MAPK10: variants seen among roughly 807,000 people sequenced by gnomAD.
MAPK10 encodes the protein mitogen-activated protein kinase 10.
MAPK10 carries 25 observed loss-of-function variants against 59.3 expected under a neutral mutation model. The observed-to-expected ratio is 0.42, with a 90% CI of 0.31 to 0.59. The LOEUF is 0.59. MAPK10 is among the 20% of genes least tolerant of loss of function. The pLI, the probability that MAPK10 is intolerant of heterozygous loss-of-function variation, is 0.15. For missense variants in MAPK10, 351 were observed against 568.9 expected (o/e 0.62, Z 3.90); for synonymous variants, 190 against 200.5 (o/e 0.95, Z 0.44).
At chr4:86,493,392 A>T (rs1754629019) in intron 1 of MAPK10, among the ~76,000 whole-genome samples, 2 of 152,236 alleles carry the variant, frequency 1.3e-5, no homozygotes, top group Admixed American at 6.5e-5. Flanking sequence ...GCACACAGAA[A>T]AGCAAATTTT....
intron 13 of MAPK10, chr4:86,025,381 C>A: frequency 2.5e-6 from 1 of 395,342 alleles, no homozygotes; most frequent in Middle Eastern, 6.4e-4. Context: ...AGTCTATTTT[C>A]ATGTAGGCAA....
chr4:86,226,268 A>G (rs577992553), intron 2 of MAPK10, among the ~76,000 whole-genome samples: 36 of 152,324 alleles, frequency 2.4e-4, no homozygotes, highest in Non-Finnish European at 3.8e-4. Flanking sequence ...CTGAACTGTC[A>G]CTTGGGTATC....
intron 13 of MAPK10, among the ~76,000 whole-genome samples, chr4:86,021,336 CAG>C (rs1303466068): frequency 6.6e-6 from 1 of 150,444 alleles, no homozygotes; most frequent in African/African-American, 2.5e-5. Flanking sequence ...GAGCTAGACA[CAG>C]AGTGCTGATT....
At position 86,290,898 on chromosome 4, in the gene MAPK10, G is replaced by A. The variant is rs72865401; in HGVS notation, c.-7+63632C>T. ...CTTGCATATGTCTTTAAAATGTTGA[G>A]ACTAGCTTGCTAAAAAGCTACCAGA... On this transcript the variant is annotated intron_variant, in intron 2 of 13. Coordinates refer to ENST00000641462, the MANE Select transcript of MAPK10 (RefSeq NM_138982.4). Among the ~76,000 whole-genome samples the A allele has an allele frequency of 1.6e-3, 249 of 152,294 alleles. 1 individual carries two copies. Among genetic ancestry groups the A allele is most frequent in the Middle Eastern group, 0.01 (3 of 294 alleles).
At chr4:86,218,568 CA>C (rs11330422) in intron 2 of MAPK10, among the ~76,000 whole-genome samples, 20,270 of 94,862 alleles carry the variant, frequency 0.21, 1,264 homozygotes, top group Middle Eastern at 0.31. Flanking sequence ...AAGACTTAAG[CA>C]AAAAAAAAAA....
In MAPK10 at chr4:86,012,688, G is replaced by A. The variant is rs1741728490; in HGVS notation, c.*4540C>T. 1 of 152,148 alleles carries A rather than the reference G, an allele frequency of 6.6e-6. No individual in the cohort carries two copies. The highest frequency in any genetic ancestry group is 1.5e-5 in the Non-Finnish European group (1 of 68,018). 9.4% of individuals were successfully genotyped at this position (152,148 alleles called of 1,614,324 possible). The stretch of plus-strand genomic sequence containing the variant: ...GTGAGAAAGAACACAGAAATGACTT[G>A]AACGATTTCAAATCCTTATTAAGCA... On this transcript the variant is annotated 3_prime_UTR_variant, in exon 14 of 14. Transcript: ENST00000641462.
intron 2 of MAPK10, among the ~76,000 whole-genome samples, chr4:86,297,022 C>G (rs1221765194): frequency 3.3e-5 from 5 of 152,156 alleles, no homozygotes; most frequent in Admixed American, 3.3e-4. Flanking sequence ...GGCCTGCCCT[C>G]AGAGGTTCTG....
intron 1 of MAPK10, among the ~76,000 whole-genome samples, chr4:86,407,184 C>T (rs985367261): frequency 6.6e-6 from 1 of 152,104 alleles, no homozygotes; most frequent in South Asian, 2.1e-4. Flanking sequence ...TTCTTATTTG[C>T]CAGGCTTTGT....
At chr4:86,448,536 C>G (rs1409869159) in intron 1 of MAPK10, among the ~76,000 whole-genome samples, 1 of 151,914 alleles carries the variant, frequency 6.6e-6, no homozygotes, top group African/African-American at 2.4e-5. Flanking sequence ...AATATTTTAA[C>G]TTTTTAAATG....
At chr4:86,434,351 G>A (rs189612384) in intron 1 of MAPK10, among the ~76,000 whole-genome samples, 16 of 152,258 alleles carry the variant, frequency 1.1e-4, no homozygotes, top group Middle Eastern at 3.4e-3. Context: ...ATCAAGTGAA[G>A]AGACAACCCA....
chr4:86,322,224 C>A (rs1026969402), intron 2 of MAPK10, among the ~76,000 whole-genome samples: 8 of 152,134 alleles, frequency 5.3e-5, no homozygotes, highest in African/African-American at 1.9e-4. Flanking sequence ...GTTTACAAAT[C>A]AGAAAAACAG....
chr4:86,193,425 T>A (rs992250668), intron 3 of MAPK10: 3 of 152,384 alleles, frequency 2.0e-5, no homozygotes, highest in African/African-American at 7.2e-5. Context: ...CTAAGGCTGC[T>A]GCCTTTCTTT....
At chr4:86,143,598 AT>A (rs2149186270) in intron 4 of MAPK10, among the ~76,000 whole-genome samples, 1 of 152,312 alleles carries the variant, frequency 6.6e-6, no homozygotes, top group Admixed American at 6.5e-5. Flanking sequence ...CCACAACCAG[AT>A]TCTATTTACT....
At chr4:86,363,306 G>A (rs571618010), upstream of MAPK10, among the ~76,000 whole-genome samples, 2 of 151,984 alleles carry the variant, frequency 1.3e-5, no homozygotes, top group South Asian at 4.2e-4. Flanking sequence ...TTTATATAAG[G>A]GACTTGAGCA....
At chr4:86,451,377 G>A (rs1436793245) in intron 1 of MAPK10, among the ~76,000 whole-genome samples, 1 of 152,122 alleles carries the variant, frequency 6.6e-6, no homozygotes, top group Non-Finnish European at 1.5e-5. Flanking sequence ...AGGTAAAGGA[G>A]ACCTTCACCA....
intron 9 of MAPK10, chr4:86,090,170 T>C (rs554448009): frequency 1.3e-5 from 2 of 151,450 alleles, no homozygotes. Flanking sequence ...GGTTACTCAC[T>C]TGTTGTACTT....
rs565842830 is a variant in MAPK10 at position 86,354,562 on chromosome 4, C to T, written c.-39G>A. 2.1e-4 allele frequency: 253 copies of T among 1,230,806 alleles called. No homozygotes were observed. Among genetic ancestry groups the T allele is most frequent in the Admixed American group, 3.0e-4 (7 of 23,670 alleles). The allele number at this position is 1,230,806 out of a possible 1,614,324, so 76.2% of individuals were successfully genotyped here. A position where few individuals can be genotyped will look rare whatever the true frequency, so the allele number is the denominator to read the frequency against. On this transcript the variant is annotated 5_prime_UTR_variant, in exon 2 of 14. Coordinates refer to ENST00000641462, the MANE Select transcript of MAPK10 (RefSeq NM_138982.4). Reference sequence around the variant, plus strand: ...TGTATGGTTTCTCATCTATAGGAAACGGGTCTAATTCAACAGTTTCTTGCA... The same window carrying T: ...TGTATGGTTTCTCATCTATAGGAAATGGGTCTAATTCAACAGTTTCTTGCA...
intron 2 of MAPK10, among the ~76,000 whole-genome samples, chr4:86,315,567 T>C (rs1183115988): frequency 1.3e-5 from 2 of 152,076 alleles, no homozygotes; most frequent in African/African-American, 2.4e-5. Context: ...TTAAAAAATA[T>C]TTAAATGCAT....
chr4:86,372,078 A>T (rs1306308765), intron 1 of MAPK10, among the ~76,000 whole-genome samples: 1 of 152,200 alleles, frequency 6.6e-6, no homozygotes, highest in Non-Finnish European at 1.5e-5. Flanking sequence ...AAAAGAATAT[A>T]CATTCTTCTC....
Sources: allele counts gnomAD v4.1 joint callset (sites outside exome capture counted in the v4.1 genomes callset), GRCh38; gene constraint gnomAD v4.1.1; transcripts MANE v1.5; gene names NCBI Gene and HGNC (gene_info 2026-07-23, HGNC 2026-07-21).